Variants in XKR4 observed in about 807,000 individuals in gnomAD.
The protein encoded by XKR4 is XK-related protein 4.
Under a neutral mutation model 53.9 loss-of-function variants are expected in XKR4, and 12 were observed. The ratio of observed to expected loss-of-function variants is 0.22; its 90% CI spans 0.14 to 0.36. XKR4 has a LOEUF of 0.36. XKR4 is among the 10% of genes least tolerant of loss of function. XKR4 has a pLI of 1.00. For synonymous variants in XKR4, 354 were observed against 362.4 expected (o/e 0.98, Z 0.26); for missense variants, 799 against 859.5 (o/e 0.93, Z 0.88).
At chr8:55,437,740 A>C (rs566956501) in intron 2 of XKR4, among the ~76,000 whole-genome samples, 4 of 152,220 alleles carry the variant, frequency 2.6e-5, no homozygotes, top group Non-Finnish European at 5.9e-5. Context: ...CTTGTTTTGC[A>C]TGTGGCTCAC....
intron 1 of XKR4, among the ~76,000 whole-genome samples, chr8:55,253,455 G>A (rs1045082147): frequency 6.6e-6 from 1 of 152,116 alleles, no homozygotes; most frequent in Non-Finnish European, 1.5e-5. Flanking sequence ...AATTAAAGTG[G>A]CAATAGAATA....
chr8:55,118,271 A>G (rs1816337331), intron 1 of XKR4, among the ~76,000 whole-genome samples: 1 of 152,230 alleles, frequency 6.6e-6, no homozygotes, highest in African/African-American at 2.4e-5. Context: ...AAAGAATGCT[A>G]AGTATATTCC....
At chr8:55,388,627 C>T (rs2129388345) in intron 2 of XKR4, among the ~76,000 whole-genome samples, 1 of 152,298 alleles carries the variant, frequency 6.6e-6, no homozygotes, top group Admixed American at 6.5e-5. Flanking sequence ...GCACTCATCT[C>T]ATTTATGAGG....
chr8:55,199,258 A>G (rs557816918), intron 1 of XKR4, among the ~76,000 whole-genome samples: 6 of 152,300 alleles, frequency 3.9e-5, no homozygotes, highest in African/African-American at 1.4e-4. Context: ...TAGAGAGGGG[A>G]ATATCAGAAT....
chr8:55,291,680 A>G (rs956999055), intron 1 of XKR4, among the ~76,000 whole-genome samples: 3 of 152,124 alleles, frequency 2.0e-5, no homozygotes, highest in South Asian at 4.1e-4. Flanking sequence ...TAGAAATACA[A>G]CTGAGTTTTT....
intron 2 of XKR4, among the ~76,000 whole-genome samples, chr8:55,466,103 G>A (rs1347461006): frequency 1.3e-5 from 2 of 152,086 alleles, no homozygotes; most frequent in African/African-American, 4.8e-5. Context: ...TCTAGAACTA[G>A]AAATACCATT....
At position 55,102,381 on chromosome 8, in the gene XKR4, C is replaced by A; in HGVS notation, c.-108C>A. On this transcript the variant is annotated 5_prime_UTR_variant, in exon 1 of 3. Coordinates refer to ENST00000327381, the MANE Select transcript of XKR4 (RefSeq NM_052898.2). The surrounding 1 kb of genome is among the most constrained non-coding windows in gnomAD (Gnocchi z 5.1). ...ACGCAGGAGCAGGAGGAGGGGGAGCCGCACCGCCTGGGAGGGAAGCCGGGG... is the reference window on the plus strand; with the variant it reads ...ACGCAGGAGCAGGAGGAGGGGGAGCAGCACCGCCTGGGAGGGAAGCCGGGG... The A allele has an allele frequency of 7.6e-7, 1 of 1,316,028 alleles. No individual in the cohort carries two copies. Among genetic ancestry groups the A allele is most frequent in the Non-Finnish European group, 9.8e-7 (1 of 1,016,872 alleles). 81.5% of individuals were successfully genotyped at this position (1,316,028 alleles called of 1,614,324 possible). A position where few individuals can be genotyped will look rare whatever the true frequency, so the allele number is the denominator to read the frequency against.
chr8:55,325,728 T>A (rs1803282264), intron 1 of XKR4, among the ~76,000 whole-genome samples: 1 of 152,198 alleles, frequency 6.6e-6, no homozygotes, highest in Admixed American at 6.5e-5. Context: ...CCCCCATCAT[T>A]GTTAGACATA....
At chr8:55,306,907 A>G (rs1819308928) in intron 1 of XKR4, among the ~76,000 whole-genome samples, 1 of 151,582 alleles carries the variant, frequency 6.6e-6, no homozygotes, top group African/African-American at 2.4e-5. Context: ...TTACTATTTA[A>G]GGTGTGAGAG....
chr8:55,214,682 T>C (rs1240367212), intron 1 of XKR4, among the ~76,000 whole-genome samples: 1 of 152,160 alleles, frequency 6.6e-6, no homozygotes, highest in East Asian at 1.9e-4. Context: ...TAGAGTTTAA[T>C]TCTCTGGCCC....
intron 1 of XKR4, among the ~76,000 whole-genome samples, chr8:55,298,126 C>T (rs1819126227): frequency 6.6e-6 from 1 of 152,096 alleles, no homozygotes; most frequent in Non-Finnish European, 1.5e-5. Flanking sequence ...AATTTTAGCT[C>T]TTACGTACCA....
chr8:55,393,631 A>T (rs1017604039), intron 2 of XKR4, among the ~76,000 whole-genome samples: 2 of 152,180 alleles, frequency 1.3e-5, no homozygotes, highest in Admixed American at 1.3e-4. Context: ...TCTGGGAGCA[A>T]TTTGGCCTGC....
At chr8:55,452,334 A>G (rs1309076374) in intron 2 of XKR4, 4 of 632,974 alleles carry the variant, frequency 6.3e-6, no homozygotes, top group Non-Finnish European at 1.2e-5. Context: ...GCGGAACACC[A>G]CCTTCTCCCC....
chr8:55,523,383 T>C lies in XKR4; in HGVS notation c.1109T>C (p.Met370Thr). Residue 370 changes from methionine to threonine, a missense_variant, in exon 3 of 3, where the codon ATG (methionine) becomes ACG (threonine). Physicochemically the swap from Met to Thr is moderately conservative, Grantham distance 81. Around this residue, in one of 3 missense-constraint regions of XKR4, gnomAD observed 476 missense variants for 505.4 expected, o/e 0.94. Transcript: ENST00000327381. ...GATGACAAGAAGCCCATCAGCTACA[T>C]GGCCGTCATCATCCAGTTCTGCTGG... The part of the protein sequence containing the change: ...SRDDKKPISY[M>T]AVIIQFCWHF... The C allele has an allele frequency of 2.5e-6, 4 of 1,614,226 alleles. No homozygotes were observed. The highest frequency in any genetic ancestry group is 3.4e-6 in the Non-Finnish European group (4 of 1,180,034).
Position 55,303,065 on chromosome 8 carries a change from G to A in XKR4, c.807-54613G>A, listed in dbSNP as rs897339809. On this transcript the variant is annotated intron_variant, in intron 1 of 2. Transcript: ENST00000327381. ...AGGAGTGGTGAGAGAAGGCATCCAT[G>A]TCTTGTGCCCGTTTTCAAAGGGAAT... Among the ~76,000 whole-genome samples, 5 of 152,198 alleles carry A rather than the reference G, an allele frequency of 3.3e-5. No individual in the cohort carries two copies. The South Asian group carries it at 6.2e-4, about 19-fold the overall frequency.
At chr8:55,270,730 A>C (rs954086952) in intron 1 of XKR4, among the ~76,000 whole-genome samples, 3 of 152,228 alleles carry the variant, frequency 2.0e-5, no homozygotes, top group African/African-American at 7.2e-5. Flanking sequence ...AAGAGTATGA[A>C]AACTTATCCT....
intron 2 of XKR4, among the ~76,000 whole-genome samples, chr8:55,469,248 T>C (rs1325886020): frequency 6.6e-6 from 1 of 152,146 alleles, no homozygotes; most frequent in Non-Finnish European, 1.5e-5. Context: ...CACAACACTG[T>C]AGCCAGGTTG....
At position 55,351,485 on chromosome 8, in the gene XKR4, A is replaced by G. The variant is rs537878333; in HGVS notation, c.807-6193A>G. ...GTAGCTTTTTAGCCTATAGAAACAA[A>G]CAGCTGGGAGTATACATAGCCTTCT... On this transcript the variant is annotated intron_variant, in intron 1 of 2. Coordinates refer to ENST00000327381, the MANE Select transcript of XKR4 (RefSeq NM_052898.2). 9.2e-5 allele frequency among the ~76,000 whole-genome samples: 14 copies of G among 152,324 alleles called. No individual in the cohort carries two copies. The South Asian group carries it at 2.9e-3, about 32-fold the overall frequency.
intron 2 of XKR4, among the ~76,000 whole-genome samples, chr8:55,487,486 G>A (rs1192560042): frequency 2.1e-5 from 3 of 144,172 alleles, no homozygotes; most frequent in Non-Finnish European, 4.5e-5. Flanking sequence ...TTTTTCTTGA[G>A]ACAGAGTCTT....
Sources: gnomAD v4.1 joint callset for allele counts (sites outside exome capture counted in the v4.1 genomes callset) on GRCh38, gnomAD v4.1.1 for gene constraint, gnomAD v4.1.1 regional missense constraint, Gnocchi (gnomAD v3.1) non-coding constraint, MANE v1.5 for transcripts, NCBI Gene and HGNC (gene_info 2026-07-23, HGNC 2026-07-21) for gene names.